Variants in SLC28A1 observed in about 807,000 individuals in gnomAD.
SLC28A1 encodes sodium/nucleoside cotransporter 1.
A neutral mutation model predicts 74.8 loss-of-function variants in SLC28A1; 64 were observed. The ratio of observed to expected loss-of-function variants is 0.86; its 90% CI spans 0.70 to 1.05. The LOEUF (loss-of-function observed/expected upper bound fraction) is 1.05, where lower values mean the gene tolerates loss of function less well. SLC28A1 is among the 50% of genes least tolerant of loss of function. The pLI, the probability that SLC28A1 is intolerant of heterozygous loss-of-function variation, is 0.00. For missense variants in SLC28A1, 828 were observed against 822.8 expected, an observed-to-expected ratio of 1.01 and a Z score of -0.08; for synonymous variants, 359 against 335.0, an observed-to-expected ratio of 1.07 and a Z score of -0.78.
chr15:84,921,218 C>T (rs1567162307), intron 11 of SLC28A1, 149 bp downstream of exon 11: 1 of 717,230 alleles, frequency 1.4e-6, no homozygotes, highest in Non-Finnish European at 2.5e-6. Context: ...TCCAGGGATA[C>T]TCTGTTTGGG....
At chr15:84,975,007 C>A in the SLC28A1 span, among the ~76,000 whole-genome samples, 1 of 152,016 alleles carries the variant, frequency 6.6e-6, no homozygotes, top group African/African-American at 2.4e-5. Flanking sequence ...CCTTAGACAC[C>A]CCCAGATATA....
At chr15:84,931,078 G>A (rs550727447) in intron 12 of SLC28A1, among the ~76,000 whole-genome samples, 11 of 151,744 alleles carry the variant, frequency 7.2e-5, no homozygotes, top group African/African-American at 2.7e-4. Context: ...CCTAATTTTT[G>A]TATTCTTAGT....
At chr15:84,931,950 C>T (rs188151459) in intron 12 of SLC28A1, among the ~76,000 whole-genome samples, 272 of 151,602 alleles carry the variant, frequency 1.8e-3, no homozygotes, top group Non-Finnish European at 3.1e-3. Context: ...TACAGTGAGC[C>T]AAGATTGTAC....
intron 6 of SLC28A1, among the ~76,000 whole-genome samples, chr15:84,897,652 T>C (rs1966147801): frequency 6.6e-6 from 1 of 152,250 alleles, no homozygotes; most frequent in African/African-American, 2.4e-5. Flanking sequence ...ATTCAAATTC[T>C]CCTAGCTATT....
the SLC28A1 span, chr15:84,975,526 C>T: frequency 2.2e-6 from 1 of 456,220 alleles, no homozygotes; most frequent in South Asian, 1.5e-5. Flanking sequence ...GTACACCTGC[C>T]GAGTCCCAGC....
chr15:84,900,756 C>T (rs1966588506), intron 6 of SLC28A1, among the ~76,000 whole-genome samples: 1 of 151,542 alleles, frequency 6.6e-6, no homozygotes, highest in African/African-American at 2.4e-5. Context: ...GTGAGCTATG[C>T]ACAATATGCC....
At chr15:84,909,600 C>T (rs1476170980) in intron 9 of SLC28A1, among the ~76,000 whole-genome samples, 3 of 152,144 alleles carry the variant, frequency 2.0e-5, no homozygotes, top group Admixed American at 6.5e-5. Context: ...GTTTAAGCAC[C>T]GAAATGGCTT....
chr15:84,894,848 G>C, intron 5 of SLC28A1, 92 bp from the exon 6 acceptor site: 1 of 1,268,532 alleles, frequency 7.9e-7, no homozygotes, highest in Non-Finnish European at 1.1e-6. Context: ...TCCACGCTCT[G>C]GGTGGAGTAA....
the SLC28A1 span, among the ~76,000 whole-genome samples, chr15:84,971,562 C>T: frequency 6.6e-6 from 1 of 152,186 alleles, no homozygotes; most frequent in East Asian, 1.9e-4. Context: ...GCCTGTGGCC[C>T]TCACCAGAAC....
intron 12 of SLC28A1, among the ~76,000 whole-genome samples, chr15:84,928,527 GTTCTTTCTTTCTTTCT>G (rs1200042713): frequency 0.018 from 830 of 47,242 alleles, 215 homozygotes; most frequent in Middle Eastern, 0.068. Context: ...AGGTTCGTTC[GTTCTTTCTTTCTTTCT>G]TTCTTTCTTT....
chr15:84,908,605 G>T, intron 8 of SLC28A1, 113 bp from the exon 9 acceptor site: 1 of 843,030 alleles, frequency 1.2e-6, no homozygotes, highest in East Asian at 2.5e-5. Flanking sequence ...CCGGATAAGG[G>T]CCTGGGGGGA....
rs145168603 is a variant in SLC28A1 at position 84,944,742 on chromosome 15, C to G, written c.1763-14C>G. ...CCCGGGGGCCCTGCCCCACCCACCACTTTCCCTCTACAGGGATCCTCTACA... is the reference window on the plus strand; with the variant it reads ...CCCGGGGGCCCTGCCCCACCCACCAGTTTCCCTCTACAGGGATCCTCTACA... On this transcript the variant is annotated splice_polypyrimidine_tract_variant and intron_variant, in intron 17 of 18. Coordinates refer to ENST00000394573, the MANE Select transcript of SLC28A1 (RefSeq NM_004213.5). 1.9e-6 allele frequency: 3 copies of G among 1,609,926 alleles called. No homozygotes were observed. The highest frequency in any genetic ancestry group is 1.7e-6 in the Non-Finnish European group (2 of 1,176,238).
At chr15:84,926,821 G>C (rs1440767713) in intron 12 of SLC28A1, among the ~76,000 whole-genome samples, 1 of 151,584 alleles carries the variant, frequency 6.6e-6, no homozygotes, top group Non-Finnish European at 1.5e-5. Context: ...GTGGTGGTAG[G>C]CGGTGACCAG....
At chr15:84,939,732 GT>G (rs56249778) in intron 15 of SLC28A1, 119 of 149,094 alleles carry the variant, frequency 8.0e-4, no homozygotes, top group Non-Finnish European at 4.2e-4. Flanking sequence ...ACAGGAATGT[GT>G]TTTTTTTTTA....
chr15:84,934,304 A>C (rs1971637656), intron 13 of SLC28A1, among the ~76,000 whole-genome samples: 1 of 152,146 alleles, frequency 6.6e-6, no homozygotes, highest in Non-Finnish European at 1.5e-5. Flanking sequence ...GTGTGTGTAC[A>C]TGTTGAGGAG....
chr15:84,951,425 T>TA, the SLC28A1 span, among the ~76,000 whole-genome samples: 8 of 90,736 alleles, frequency 8.8e-5, no homozygotes, highest in East Asian at 6.8e-4. Flanking sequence ...GACCCTGTCT[T>TA]AAAAAAAAAT....
chr15:84,902,884 CA>C, intron 6 of SLC28A1, among the ~76,000 whole-genome samples: 1 of 152,236 alleles, frequency 6.6e-6, no homozygotes, highest in East Asian at 1.9e-4. Flanking sequence ...CACCCACTGC[CA>C]CGCTCGGCTA....
Position 84,916,112 on chromosome 15 carries a change from G to A in SLC28A1, c.796-2412G>A, listed in dbSNP as rs370508027. On this transcript the variant is annotated intron_variant, in intron 9 of 18. Transcript: ENST00000394573. ...CGAGTAGCTGGGATTACAGGCACCC[G>A]CCACTACCCCTGGCTTATTTTTTTC... 4.6e-5 allele frequency among the ~76,000 whole-genome samples: 7 copies of A among 151,618 alleles called. No homozygotes were observed. The East Asian group carries it at 7.7e-4, about 17-fold the overall frequency.
At chr15:84,911,721 T>A (rs1250182335) in intron 9 of SLC28A1, among the ~76,000 whole-genome samples, 1 of 151,788 alleles carries the variant, frequency 6.6e-6, no homozygotes, top group Non-Finnish European at 1.5e-5. Flanking sequence ...TAGCCAGGCA[T>A]GGTGGCGGGC....
Sources: allele counts gnomAD v4.1 joint callset (sites outside exome capture counted in the v4.1 genomes callset), GRCh38; gene constraint gnomAD v4.1.1; transcripts MANE v1.5; gene names NCBI Gene and HGNC (gene_info 2026-07-23, HGNC 2026-07-21).